The following SLC36A1 variants were observed in gnomAD, a reference collection of about 807,000 sequenced individuals.
SLC36A1 encodes proton-coupled amino acid transporter 1.
A neutral mutation model predicts 47.5 loss-of-function variants in SLC36A1; 30 were observed. That is an observed-to-expected ratio of 0.63 (90% confidence interval 0.47 to 0.86). The LOEUF is 0.86. Among genes scored for constraint, SLC36A1 ranks in the 40% least tolerant of loss-of-function variants. SLC36A1 has a pLI of 0.00. For synonymous variants in SLC36A1, 255 were observed against 249.7 expected, an observed-to-expected ratio of 1.02 and a Z score of -0.20; for missense variants, 517 against 606.0, an observed-to-expected ratio of 0.85 and a Z score of 1.54.
the SLC36A1 span, chr5:151,505,180 C>T: frequency 3.3e-6 from 1 of 299,990 alleles, no homozygotes; most frequent in Non-Finnish European, 6.3e-6. Flanking sequence ...GAGCTGTGGG[C>T]AGGTATGAGA....
the SLC36A1 span, among the ~76,000 whole-genome samples, chr5:151,516,526 T>G: frequency 5.3e-5 from 8 of 151,918 alleles, no homozygotes; most frequent in Admixed American, 5.2e-4. Flanking sequence ...AATAAATAAA[T>G]AAATAAAAAT....
At chr5:151,354,403 T>C in the SLC36A1 span, among the ~76,000 whole-genome samples, 1 of 152,370 alleles carries the variant, frequency 6.6e-6, no homozygotes, top group South Asian at 2.1e-4. Flanking sequence ...ATATTGACTT[T>C]GTCATTTTAT....
At chr5:151,413,523 G>A in the SLC36A1 span, among the ~76,000 whole-genome samples, 3 of 151,994 alleles carry the variant, frequency 2.0e-5, no homozygotes, top group Non-Finnish European at 4.4e-5. Flanking sequence ...GAATATTTAT[G>A]AAAAAACTGA....
chr5:151,544,087 A>C, the SLC36A1 span: 2 of 1,614,218 alleles, frequency 1.2e-6, no homozygotes, highest in Non-Finnish European at 1.7e-6. Context: ...CCTGACTTTC[A>C]CATGAAAGTG....
chr5:151,499,724 CTGT>C, the SLC36A1 span, among the ~76,000 whole-genome samples: 5 of 151,938 alleles, frequency 3.3e-5, no homozygotes, highest in Non-Finnish European at 7.4e-5. Flanking sequence ...AAAACCACCC[CTGT>C]AACAACAACT....
the SLC36A1 span, among the ~76,000 whole-genome samples, chr5:151,525,436 C>G: frequency 6.6e-6 from 1 of 152,166 alleles, no homozygotes; most frequent in Non-Finnish European, 1.5e-5. Flanking sequence ...GGTGTTTTGC[C>G]CAGGCACAGA....
the SLC36A1 span, chr5:151,512,829 G>C: frequency 4.6e-3 from 2,632 of 569,158 alleles, 54 homozygotes; most frequent in African/African-American, 0.043. The surrounding 1 kb of genome is among the most constrained non-coding windows in gnomAD (Gnocchi z 4.1). Context: ...CTGGGTAGGG[G>C]GTGACATCTC....
chr5:151,351,724 GA>G, the SLC36A1 span, among the ~76,000 whole-genome samples: 1 of 152,106 alleles, frequency 6.6e-6, no homozygotes, highest in Non-Finnish European at 1.5e-5. Flanking sequence ...ACAGTATTCA[GA>G]GCAATCCTTC....
chr5:151,398,068 A>C, the SLC36A1 span, among the ~76,000 whole-genome samples: 1 of 152,148 alleles, frequency 6.6e-6, no homozygotes, highest in Non-Finnish European at 1.5e-5. Context: ...TAGTAAGCCA[A>C]AGTCGCACCA....
chr5:151,416,166 C>T, the SLC36A1 span, among the ~76,000 whole-genome samples: 109 of 152,266 alleles, frequency 7.2e-4, no homozygotes, highest in African/African-American at 2.4e-3. Flanking sequence ...CTTTAAGTCC[C>T]CACATGCTGC....
chr5:151,374,377 G>T, the SLC36A1 span, among the ~76,000 whole-genome samples: 2 of 152,094 alleles, frequency 1.3e-5, no homozygotes, highest in African/African-American at 4.8e-5. Flanking sequence ...TTGTCTGTTG[G>T]TGCGCTCTTG....
chr5:151,448,054 C>T (rs1753088003), intron 1 of SLC36A1, among the ~76,000 whole-genome samples: 1 of 152,204 alleles, frequency 6.6e-6, no homozygotes, highest in African/African-American at 2.4e-5. Flanking sequence ...GCGTCTTTCA[C>T]GCTTCGCACA....
the SLC36A1 span, among the ~76,000 whole-genome samples, chr5:151,551,159 T>C: frequency 9.4e-3 from 1,431 of 152,332 alleles, 19 homozygotes; most frequent in African/African-American, 0.033. Flanking sequence ...TGGCTGAAGC[T>C]AGAATAGAAA....
At chr5:151,407,705 G>A in the SLC36A1 span, among the ~76,000 whole-genome samples, 1 of 152,194 alleles carries the variant, frequency 6.6e-6, no homozygotes, top group African/African-American at 2.4e-5. Context: ...TGGGGTGTTG[G>A]GTCTGGGGAT....
chr5:151,388,426 G>A, the SLC36A1 span, among the ~76,000 whole-genome samples: 2 of 151,200 alleles, frequency 1.3e-5, no homozygotes, highest in African/African-American at 4.9e-5. Context: ...GCTTGAATCT[G>A]GGAGGTGGAG....
the SLC36A1 span, among the ~76,000 whole-genome samples, chr5:151,419,188 G>GT: frequency 6.6e-6 from 1 of 152,176 alleles, no homozygotes; most frequent in African/African-American, 2.4e-5. Flanking sequence ...GTCTTGGGCA[G>GT]TTTTTTATAG....
Position 151,479,387 on chromosome 5 carries a change from GT to G in SLC36A1, c.1058del (p.Val353AlafsTer20). The G allele has an allele frequency of 6.2e-7, 1 of 1,614,156 alleles. No individual in the cohort carries two copies. The highest frequency in any genetic ancestry group is 8.5e-7 in the Non-Finnish European group (1 of 1,180,018). On this transcript the variant is annotated frameshift_variant, in exon 10 of 11. Transcript: ENST00000243389. LOFTEE classifies it high-confidence loss of function. ...IFFTYALQFY[V>X]PAEIIIPFFV... ...TTTCACCTACGCACTCCAGTTCTAC[GT>G]CCCGGCTGAGATCATCATCCCCTTC...
At chr5:151,542,550 T>A in the SLC36A1 span, 1 of 1,613,990 alleles carries the variant, frequency 6.2e-7, no homozygotes, top group South Asian at 1.1e-5. Flanking sequence ...GTTCCTGGAG[T>A]GTGGTGATCC....
chr5:151,347,644 C>G, the SLC36A1 span: 2 of 642,760 alleles, frequency 3.1e-6, no homozygotes, highest in East Asian at 2.8e-5. Context: ...CCTGGAGAAG[C>G]CAGTGGACGA....
Sources: gnomAD v4.1 joint callset for allele counts (sites outside exome capture counted in the v4.1 genomes callset) on GRCh38, gnomAD v4.1.1 for gene constraint, Gnocchi (gnomAD v3.1) non-coding constraint, MANE v1.5 for transcripts, NCBI Gene and HGNC (gene_info 2026-07-23, HGNC 2026-07-21) for gene names.